The following TEX12 variants were observed in gnomAD, a reference collection of about 807,000 sequenced individuals.
The protein encoded by TEX12 is testis expressed 12.
Under a neutral mutation model 14.6 loss-of-function variants are expected in TEX12, and 7 were observed. The observed-to-expected ratio is 0.48, with a 90% CI of 0.27 to 0.90. The LOEUF (loss-of-function observed/expected upper bound fraction) is 0.90, where lower values mean the gene tolerates loss of function less well. Among genes scored for constraint, TEX12 ranks in the 40% least tolerant of loss-of-function variants. The pLI, the probability that TEX12 is intolerant of heterozygous loss-of-function variation, is 0.12. For synonymous variants in TEX12, 57 were observed against 49.1 expected, an observed-to-expected ratio of 1.16 and a Z score of -0.67; for missense variants, 121 against 135.7, an observed-to-expected ratio of 0.89 and a Z score of 0.54.
rs762556389 is a variant in TEX12, at chr11:112,171,931, A to G, written c.*15A>G. On this transcript the variant is annotated 3_prime_UTR_variant, in exon 5 of 5. Coordinates refer to ENST00000280358, the MANE Select transcript of TEX12 (RefSeq NM_031275.4). ...TACACAGATAAAATATATACTTGAA[A>G]TAAGCTGAGAATTTAAACCTATTAT... The G allele has an allele frequency of 6.9e-7, 1 of 1,444,292 alleles. No individual in the cohort carries two copies. Among genetic ancestry groups the G allele is most frequent in the Non-Finnish European group, 9.2e-7 (1 of 1,091,648 alleles). The allele number at this position is 1,444,292 out of a possible 1,614,324, so 89.5% of individuals were successfully genotyped here. A position where few individuals can be genotyped will look rare whatever the true frequency, so the allele number is the denominator to read the frequency against.
chr11:112,171,660 G>A lies in TEX12; in HGVS notation c.228-112G>A, dbSNP rs922623357. On this transcript the variant is annotated intron_variant, in intron 4 of 4. Transcript: ENST00000280358. ...TATTAGTAAATTAATGAAGTTCTGT[G>A]GCACATAAAGCCATTTAAATGAAAT... is the stretch of plus-strand genomic sequence containing the variant. 8 of 672,362 alleles carry A rather than the reference G, an allele frequency of 1.2e-5. No individual in the cohort carries two copies. The African/African-American group carries it at 1.3e-4, about 11-fold the overall frequency. The allele number at this position is 672,362 out of a possible 1,614,324, so 41.6% of individuals were successfully genotyped here. A position where few individuals can be genotyped will look rare whatever the true frequency, so the allele number is the denominator to read the frequency against.
intron 3 of TEX12, 32 bp from the exon 4 acceptor site, chr11:112,170,591 A>G (rs1479304277): frequency 6.2e-7 from 1 of 1,600,530 alleles, no homozygotes; most frequent in Admixed American, 1.7e-5. Context: ...GGTTTGTTAT[A>G]TTTTATAACT....
chr11:112,170,341 C>A, intron 2 of TEX12, 78 bp from the exon 3 acceptor site: 1 of 1,004,860 alleles, frequency 1.0e-6, no homozygotes, highest in Non-Finnish European at 1.5e-6. Context: ...GTTTTATTTG[C>A]TTTTTCTTAA....
rs1866794157 is a variant in TEX12 at position 112,171,809 on chromosome 11, A to G, written c.265A>G (p.Ile89Val). The change falls in exon 5 of 5, where the codon ATA (isoleucine) becomes GTA (valine). Residue 89 changes from isoleucine (I) to valine (V), a missense_variant. By Grantham distance (29) the Ile-to-Val change is conservative. Transcript: ENST00000280358. The part of the protein sequence containing the change: ...AAVDASYIDE[I>V]DELFKEANAI... The stretch of plus-strand genomic sequence containing the variant: ...AGTAGATGCATCTTACATTGATGAG[A>G]TAGATGAACTCTTCAAAGAAGCCAA... 2 of 1,589,558 alleles carry G rather than the reference A, an allele frequency of 1.3e-6. No homozygotes were observed. The highest frequency in any genetic ancestry group is 3.6e-5 in the Admixed American group (2 of 54,850).
chr11:112,167,957 G>A (rs1050994919), intron 1 of TEX12, among the ~76,000 whole-genome samples: 4 of 152,172 alleles, frequency 2.6e-5, no homozygotes, highest in African/African-American at 9.7e-5. Context: ...CTTCTCTGAA[G>A]TATTTTCCAA....
intron 4 of TEX12, among the ~76,000 whole-genome samples, 154 bp from the exon 5 acceptor site, chr11:112,171,617 AT>A (rs1387770290): frequency 1.3e-5 from 2 of 151,256 alleles, no homozygotes; most frequent in Non-Finnish European, 3.0e-5. Flanking sequence ...TGTGGGACTA[AT>A]TTTTTTTTCT....
At position 112,170,416 on chromosome 11, in the gene TEX12, T is replaced by C. The variant is rs1243137496; in HGVS notation, c.64-3T>C. 1 of 1,517,574 alleles carries C rather than the reference T, an allele frequency of 6.6e-7. No individual in the cohort carries two copies. Among genetic ancestry groups the C allele is most frequent in the Non-Finnish European group, 9.1e-7 (1 of 1,104,656 alleles). 94.0% of individuals were successfully genotyped at this position (1,517,574 alleles called of 1,614,324 possible). ...ACCTGTTTTCTTTATTTTGTCCTGT[T>C]AGTCTCCAGTGCCAGATAGTCCACA... is the stretch of plus-strand genomic sequence containing the variant. On this transcript the variant is annotated splice_region_variant and splice_polypyrimidine_tract_variant and intron_variant, in intron 2 of 4. Coordinates refer to ENST00000280358, the MANE Select transcript of TEX12 (RefSeq NM_031275.4).
In TEX12 at chr11:112,171,903, C is replaced by T. The variant is rs1336599877; in HGVS notation, c.359C>T (p.Thr120Ile). 1 of 1,531,448 alleles carries T rather than the reference C, an allele frequency of 6.5e-7. No homozygotes were observed. The highest frequency in any genetic ancestry group is 1.3e-5 in the South Asian group (1 of 76,646). The allele number at this position is 1,531,448 out of a possible 1,614,324, so 94.9% of individuals were successfully genotyped here. The change falls in exon 5 of 5, where the codon ACA (threonine) becomes ATA (isoleucine). Residue 120 changes from threonine to isoleucine, a missense_variant. Transcript: ENST00000280358. Reference protein sequence around the residue: ...LRQRFTVIANTLHR With the variant: ...LRQRFTVIANILHR ...CAGAGGTTTACAGTGATTGCAAACACATTACACAGATAAAATATATACTTG... is the reference window on the plus strand; with the variant it reads ...CAGAGGTTTACAGTGATTGCAAACATATTACACAGATAAAATATATACTTG...
intron 1 of TEX12, among the ~76,000 whole-genome samples, chr11:112,167,715 G>C (rs753235516): frequency 6.6e-6 from 1 of 152,172 alleles, no homozygotes; most frequent in Admixed American, 6.6e-5. Flanking sequence ...CAGAGCCAGG[G>C]CAGTGGTCAG....
At chr11:112,169,389 T>G in intron 2 of TEX12, 58 bp downstream of exon 2, 1 of 1,338,322 alleles carries the variant, frequency 7.5e-7, no homozygotes, top group Non-Finnish European at 1.1e-6. Flanking sequence ...ACTACTCAAA[T>G]TTCTTCCCTT....
At chr11:112,171,665 A>G (rs1454430464) in intron 4 of TEX12, 107 bp from the exon 5 acceptor site, 2 of 727,246 alleles carry the variant, frequency 2.8e-6, no homozygotes, top group Non-Finnish European at 4.1e-6. Flanking sequence ...TCTGTGGCAC[A>G]TAAAGCCATT....
intron 2 of TEX12, 54 bp from the exon 3 acceptor site, chr11:112,170,365 T>C (rs907844860): frequency 1.3e-4 from 159 of 1,207,528 alleles, no homozygotes; most frequent in Non-Finnish European, 1.8e-4. Context: ...ACAAAATGTA[T>C]ATGTCCTGAA....
chr11:112,169,434 A>G, intron 2 of TEX12, 103 bp downstream of exon 2: 1 of 852,174 alleles, frequency 1.2e-6, no homozygotes, highest in Non-Finnish European at 1.9e-6. Flanking sequence ...GATTTAATGT[A>G]TTCGTATGCC....
In TEX12 at chr11:112,171,893, A is replaced by C. The variant is rs1347363167; in HGVS notation, c.349A>C (p.Ile117Leu). Residue 117 changes from isoleucine to leucine, a missense_variant, in exon 5 of 5, where the codon ATT becomes CTT. Coordinates refer to ENST00000280358, the MANE Select transcript of TEX12 (RefSeq NM_031275.4). ...GTTCCTGCGACAGAGGTTTACAGTG[A>C]TTGCAAACACATTACACAGATAAAA... ...REFLRQRFTV[I>L]ANTLHR 2 of 1,570,302 alleles carry C rather than the reference A, an allele frequency of 1.3e-6. No individual in the cohort carries two copies.
At position 112,171,946 on chromosome 11, in the gene TEX12, A is replaced by G; in HGVS notation, c.*30A>G. On this transcript the variant is annotated 3_prime_UTR_variant, in exon 5 of 5. Coordinates refer to ENST00000280358, the MANE Select transcript of TEX12 (RefSeq NM_031275.4). ...TATACTTGAAATAAGCTGAGAATTT[A>G]AACCTATTATTGTTATAATGAAAGA... 7.1e-7 allele frequency: 1 copy of G among 1,401,532 alleles called. No homozygotes were observed. The highest frequency in any genetic ancestry group is 1.8e-5 in the South Asian group (1 of 56,454). 86.8% of individuals were successfully genotyped at this position (1,401,532 alleles called of 1,614,324 possible).
At position 112,170,445 on chromosome 11, in the gene TEX12, G is replaced by A. The variant is rs1866776538; in HGVS notation, c.90G>A (p.Leu30=). Residue 30 remains leucine (L), a synonymous_variant, in exon 3 of 5, where the codon CTG becomes CTA. Transcript: ENST00000280358. ...LESPVPDSPQ[L]SSLGKSDSSF... ...CTCCAGTGCCAGATAGTCCACAGCTGTCCTCTCTTGGAAAATCAGATTCAT... is the reference window on the plus strand; with the variant it reads ...CTCCAGTGCCAGATAGTCCACAGCTATCCTCTCTTGGAAAATCAGATTCAT... 1 of 1,613,416 alleles carries A rather than the reference G, an allele frequency of 6.2e-7. No individual in the cohort carries two copies. Among genetic ancestry groups the A allele is most frequent in the Non-Finnish European group, 8.5e-7 (1 of 1,179,572 alleles).
intron 1 of TEX12, among the ~76,000 whole-genome samples, chr11:112,168,222 G>T (rs921109066): frequency 1.3e-5 from 2 of 152,178 alleles, no homozygotes; most frequent in South Asian, 4.1e-4. Context: ...AAACAACAAA[G>T]TCAATTGATA....
rs1434826027 is a variant in TEX12, at chr11:112,170,452, C to T, written c.97C>T (p.Leu33Phe). The T allele has an allele frequency of 1.9e-6, 3 of 1,613,682 alleles. No homozygotes were observed. Among genetic ancestry groups the T allele is most frequent in the East Asian group, 4.5e-5 (2 of 44,816 alleles). ...GCCAGATAGTCCACAGCTGTCCTCT[C>T]TTGGAAAATCAGATTCATCTTTCTC... The part of the protein sequence containing the change: ...PVPDSPQLSS[L>F]GKSDSSFSEI... Residue 33 changes from leucine (L) to phenylalanine (F), a missense_variant, in exon 3 of 5, where the codon CTT becomes TTT. Physicochemically the swap from Leu to Phe is conservative, Grantham distance 22 (BLOSUM62 0). Coordinates refer to ENST00000280358, the MANE Select transcript of TEX12 (RefSeq NM_031275.4).
rs150031044 is a variant in TEX12, at chr11:112,171,864, G to A, written c.320G>A (p.Arg107Lys). Residue 107 changes from arginine to lysine, a missense_variant, in exon 5 of 5, where the codon AGA (arginine) becomes AAA (lysine). Physicochemically the swap from Arg to Lys is conservative, Grantham distance 26 (BLOSUM62 2). Transcript: ENST00000280358. Reference protein sequence around the residue: ...NAIENFLIQKREFLRQRFTVI... With the variant: ...NAIENFLIQKKEFLRQRFTVI... ...ATTGAAAACTTTCTAATACAAAAAA[G>A]AGAGTTCCTGCGACAGAGGTTTACA... 3 of 1,597,328 alleles carry A rather than the reference G, an allele frequency of 1.9e-6. No homozygotes were observed. Among genetic ancestry groups the A allele is most frequent in the Non-Finnish European group, 2.6e-6 (3 of 1,173,112 alleles).
Sources: allele counts gnomAD v4.1 joint callset (sites outside exome capture counted in the v4.1 genomes callset), GRCh38; gene constraint gnomAD v4.1.1; transcripts MANE v1.5; gene names NCBI Gene and HGNC (gene_info 2026-07-23, HGNC 2026-07-21).